The following ATP6V1C2 variants were observed in gnomAD, a reference collection of about 807,000 sequenced individuals.
The protein encoded by ATP6V1C2 is V-type proton ATPase subunit C 2.
In ATP6V1C2, 45 loss-of-function variants were observed where a neutral mutation model predicts 56.8. That is an observed-to-expected ratio of 0.79 (90% CI 0.62 to 1.02). ATP6V1C2 has a LOEUF of 1.02. ATP6V1C2 is among the 50% of genes least tolerant of loss of function. The pLI, the probability that ATP6V1C2 is intolerant of heterozygous loss-of-function variation, is 0.00. For synonymous variants in ATP6V1C2, 220 were observed against 201.3 expected (o/e 1.09, Z -0.79); for missense variants, 463 against 519.7 (o/e 0.89, Z 1.06).
At chr2:10,760,153 A>C (rs1437150473) in intron 4 of ATP6V1C2, among the ~76,000 whole-genome samples, 2 of 151,650 alleles carry the variant, frequency 1.3e-5, no homozygotes, top group Admixed American at 6.6e-5. Flanking sequence ...CGGGCGGATC[A>C]CCTGAGGTCA....
rs749728896 is a variant in ATP6V1C2, at chr2:10,783,251, T to C, written c.1272T>C (p.Ser424=). The C allele has an allele frequency of 7.4e-6, 12 of 1,612,714 alleles. No individual in the cohort carries two copies. The South Asian group carries it at 1.2e-4, about 16-fold the overall frequency. Residue 424 remains serine, a synonymous_variant, in exon 14 of 14, where the codon AGT becomes AGC. Transcript: ENST00000272238. ...FPYVYFHIDL[S]LLD ...ATGTCTACTTCCATATTGACCTTAG[T>C]CTTCTTGACTAGAAAGGCCAGCTGG... is the stretch of plus-strand genomic sequence containing the variant.
rs1211574924 is a variant in ATP6V1C2 at position 10,783,506 on chromosome 2, C to T, written c.*243C>T. 1.0e-5 allele frequency: 4 copies of T among 398,252 alleles called. No individual in the cohort carries two copies. The highest frequency in any genetic ancestry group is 2.1e-5 in the African/African-American group (1 of 48,388). The allele number at this position is 398,252 out of a possible 1,614,324, so 24.7% of individuals were successfully genotyped here. A position where few individuals can be genotyped will look rare whatever the true frequency, so the allele number is the denominator to read the frequency against. Reference sequence around the variant, plus strand: ...AATGTTTTACATAAATGCGAACTACCTGTTCGCATTGGTAACCTGCTGCTG... The same window carrying T: ...AATGTTTTACATAAATGCGAACTACTTGTTCGCATTGGTAACCTGCTGCTG... On this transcript the variant is annotated 3_prime_UTR_variant, in exon 14 of 14. Transcript: ENST00000272238.
rs753629414 is a variant in ATP6V1C2, at chr2:10,768,754, A to G, written c.414A>G (p.Arg138=). 6.2e-7 allele frequency: 1 copy of G among 1,614,032 alleles called. No homozygotes were observed. The highest frequency in any genetic ancestry group is 1.7e-5 in the Admixed American group (1 of 60,020). The change falls in exon 6 of 14, where the codon CGA becomes CGG. Residue 138 remains arginine, a synonymous_variant. Coordinates refer to ENST00000272238, the MANE Select transcript of ATP6V1C2 (RefSeq NM_001039362.2). ...AGATCGAGATGGACCTGAAGTCCCG[A>G]ACGGCCGCCTACAACACTCTGAAGA... ...LAQIEMDLKS[R]TAAYNTLKTN...
intron 3 of ATP6V1C2, 122 bp from the exon 4 acceptor site, chr2:10,753,859 T>C: frequency 3.5e-6 from 3 of 861,932 alleles, no homozygotes; most frequent in Non-Finnish European, 5.6e-6. Context: ...ACCCTCTTCA[T>C]ACATCTTGCC....
rs1480635361 is a variant in ATP6V1C2 at position 10,776,232 on chromosome 2, C to A, written c.825+1161C>A. 2.0e-5 allele frequency among the ~76,000 whole-genome samples: 3 copies of A among 152,002 alleles called. No homozygotes were observed. In the East Asian group the frequency reaches 5.8e-4, roughly 30 times the overall value. On this transcript the variant is annotated intron_variant, in intron 10 of 13. Coordinates refer to ENST00000272238, the MANE Select transcript of ATP6V1C2 (RefSeq NM_001039362.2). Reference sequence around the variant, plus strand: ...AAGTTTATATAGGGGGTTTTTCACCCTCCTCCTCCGAAATAGCACAGGGCG... The same window carrying A: ...AAGTTTATATAGGGGGTTTTTCACCATCCTCCTCCGAAATAGCACAGGGCG...
chr2:10,727,223 C>G (rs955812110), intron 3 of ATP6V1C2, among the ~76,000 whole-genome samples: 2 of 152,068 alleles, frequency 1.3e-5, no homozygotes, highest in East Asian at 3.9e-4. Context: ...ACACCCTCCA[C>G]CATGCCCAGC....
intron 2 of ATP6V1C2, among the ~76,000 whole-genome samples, chr2:10,724,296 C>G (rs1186455395): frequency 1.3e-5 from 2 of 152,194 alleles, no homozygotes; most frequent in African/African-American, 2.4e-5. Context: ...GGTTGTAATG[C>G]TACCCCATTT....
chr2:10,778,702 C>G (rs754155346), intron 12 of ATP6V1C2, 33 bp downstream of exon 12: 1 of 1,606,858 alleles, frequency 6.2e-7, no homozygotes, highest in Non-Finnish European at 8.5e-7. Flanking sequence ...CTGGGACTGT[C>G]CTGAGGATGG....
chr2:10,727,389 GAAAAAAAA>G (rs34111959), intron 3 of ATP6V1C2, among the ~76,000 whole-genome samples: 1 of 116,564 alleles, frequency 8.6e-6, no homozygotes, highest in South Asian at 2.7e-4. Flanking sequence ...TTGTTTCTAA[GAAAAAAAA>G]AAAAAAAAAA....
chr2:10,743,739 C>T (rs1662691380), intron 3 of ATP6V1C2, among the ~76,000 whole-genome samples: 1 of 151,734 alleles, frequency 6.6e-6, no homozygotes, highest in East Asian at 2.0e-4. Context: ...AATCCCAGCA[C>T]TTTGGGAGGC....
rs556478333 is a variant in ATP6V1C2 at position 10,736,335 on chromosome 2, A to G, written c.197+9766A>G. ...TTTAATAATATTCACAAAATTTTTCAGTACTGTTGCTCTGTTAGTTTTCTC... is the reference window on the plus strand; with the variant it reads ...TTTAATAATATTCACAAAATTTTTCGGTACTGTTGCTCTGTTAGTTTTCTC... On this transcript the variant is annotated intron_variant, in intron 3 of 13. Coordinates refer to ENST00000272238, the MANE Select transcript of ATP6V1C2 (RefSeq NM_001039362.2). Among the ~76,000 whole-genome samples the G allele has an allele frequency of 8.9e-4, 135 of 152,324 alleles. 1 individual carries two copies. Among genetic ancestry groups the G allele is most frequent in the Non-Finnish European group, 1.8e-3 (124 of 68,030 alleles).
chr2:10,756,364 C>T (rs891829023), intron 4 of ATP6V1C2, among the ~76,000 whole-genome samples: 9 of 144,726 alleles, frequency 6.2e-5, no homozygotes, highest in African/African-American at 2.4e-4. Flanking sequence ...TGTCTCAAAA[C>T]AAACAAAAAA....
At chr2:10,738,174 A>G (rs1175993822) in intron 3 of ATP6V1C2, among the ~76,000 whole-genome samples, 2 of 152,220 alleles carry the variant, frequency 1.3e-5, no homozygotes, top group South Asian at 2.1e-4. Flanking sequence ...GTGTTAGATC[A>G]TGTAGCTGCC....
At chr2:10,724,921 T>G (rs1235622542) in intron 2 of ATP6V1C2, among the ~76,000 whole-genome samples, 1 of 152,052 alleles carries the variant, frequency 6.6e-6, no homozygotes, top group Non-Finnish European at 1.5e-5. Flanking sequence ...AGTGTTGAGA[T>G]TACAGGTGTG....
At chr2:10,755,337 C>T (rs1015868034) in intron 4 of ATP6V1C2, among the ~76,000 whole-genome samples, 1 of 152,052 alleles carries the variant, frequency 6.6e-6, no homozygotes, top group Non-Finnish European at 1.5e-5. Context: ...TGCCTGGCCA[C>T]ACCTGGCTAA....
intron 12 of ATP6V1C2, among the ~76,000 whole-genome samples, chr2:10,779,442 T>G (rs1410202103): frequency 1.0e-5 from 1 of 99,536 alleles, no homozygotes; most frequent in Non-Finnish European, 2.2e-5. Flanking sequence ...TATATATATA[T>G]GTATGTATAT....
chr2:10,766,361 A>G (rs1288000502), intron 5 of ATP6V1C2, among the ~76,000 whole-genome samples: 1 of 152,216 alleles, frequency 6.6e-6, no homozygotes, highest in Admixed American at 6.5e-5. Context: ...AGACTCCTCT[A>G]TCATCTCACA....
In ATP6V1C2 at chr2:10,785,071, T is replaced by C. The variant is rs1239693157; in HGVS notation, c.*1808T>C. The C allele has an allele frequency of 6.2e-6, 8 of 1,296,264 alleles. No homozygotes were observed. Among genetic ancestry groups the C allele is most frequent in the African/African-American group, 1.5e-5 (1 of 68,372 alleles). 80.3% of individuals were successfully genotyped at this position (1,296,264 alleles called of 1,614,324 possible). ...CCAAAACACACACACACATTTACAA[T>C]GGACTGCTGGTGCAGAAGAATAAAC... is the stretch of plus-strand genomic sequence containing the variant. On this transcript the variant is annotated 3_prime_UTR_variant, in exon 14 of 14. Coordinates refer to ENST00000272238, the MANE Select transcript of ATP6V1C2 (RefSeq NM_001039362.2).
intron 7 of ATP6V1C2, among the ~76,000 whole-genome samples, 185 bp downstream of exon 7, chr2:10,772,122 T>C (rs1011313779): frequency 6.6e-6 from 1 of 152,150 alleles, no homozygotes. Flanking sequence ...GTGATGGTGG[T>C]TGTGGCCACG....
Sources: gnomAD v4.1 joint callset for allele counts (sites outside exome capture counted in the v4.1 genomes callset) on GRCh38, gnomAD v4.1.1 for gene constraint, MANE v1.5 for transcripts, NCBI Gene and HGNC (gene_info 2026-07-23, HGNC 2026-07-21) for gene names.